CNTN4: variants seen among roughly 807,000 people sequenced by gnomAD.
CNTN4 encodes contactin 4, also known as contactin-4.
In CNTN4, 77 loss-of-function variants were observed where a neutral mutation model predicts 122.5. The observed-to-expected ratio is 0.63, with a 90% confidence interval of 0.52 to 0.76. CNTN4 has a LOEUF of 0.76. Among genes scored for constraint, CNTN4 ranks in the 30% least tolerant of loss-of-function variants. The probability of loss-of-function intolerance (pLI) is 0.00; values close to 1 mark genes in which losing one functional copy is unlikely to be tolerated. For synonymous variants in CNTN4, 512 were observed against 447.0 expected, an observed-to-expected ratio of 1.15 and a Z score of -1.83; for missense variants, 1,256 against 1,259.1, an observed-to-expected ratio of 1.00 and a Z score of 0.04.
chr3:2,615,142 A>G (rs1041245904), intron 4 of CNTN4, among the ~76,000 whole-genome samples: 37 of 152,212 alleles, frequency 2.4e-4, no homozygotes, highest in Non-Finnish European at 1.2e-4. Context: ...TAGCAATAAA[A>G]TTCTCTGCAT....
At chr3:2,766,935 A>G (rs2090887748) in intron 6 of CNTN4, among the ~76,000 whole-genome samples, 2 of 152,188 alleles carry the variant, frequency 1.3e-5, no homozygotes, top group African/African-American at 4.8e-5. Context: ...AAAGGTGGAA[A>G]GTGAGATTAA....
intron 3 of CNTN4, among the ~76,000 whole-genome samples, chr3:2,352,672 C>A (rs542982764): frequency 2.6e-5 from 4 of 152,300 alleles, no homozygotes; most frequent in South Asian, 2.1e-4. Context: ...CGAGCTCCCC[C>A]ACGGTGGGCT....
At chr3:2,666,260 G>C (rs1207475991) in intron 4 of CNTN4, among the ~76,000 whole-genome samples, 1 of 152,124 alleles carries the variant, frequency 6.6e-6, no homozygotes, top group Non-Finnish European at 1.5e-5. Context: ...AGAATAACGG[G>C]TTTCATGTCC....
chr3:2,654,540 G>C (rs141679197), intron 4 of CNTN4, among the ~76,000 whole-genome samples: 114 of 152,228 alleles, frequency 7.5e-4, no homozygotes, highest in African/African-American at 2.6e-3. Flanking sequence ...GCCAACCCAA[G>C]GGTATTAATT....
chr3:3,044,626 G>C (rs1035807483), intron 23 of CNTN4, among the ~76,000 whole-genome samples: 7 of 152,182 alleles, frequency 4.6e-5, no homozygotes, highest in Non-Finnish European at 8.8e-5. Flanking sequence ...GGATGGACGT[G>C]GGCAGTTCCA....
chr3:2,721,467 A>T (rs909662369), intron 4 of CNTN4, among the ~76,000 whole-genome samples: 1 of 152,104 alleles, frequency 6.6e-6, no homozygotes, highest in Admixed American at 6.5e-5. Context: ...ATGAACATGG[A>T]AGTATTAAGC....
intron 4 of CNTN4, among the ~76,000 whole-genome samples, chr3:2,679,227 A>C (rs1359983441): frequency 6.6e-6 from 1 of 152,102 alleles, no homozygotes; most frequent in Non-Finnish European, 1.5e-5. Context: ...TAGTTAATTA[A>C]ATTTAACACT....
intron 4 of CNTN4, among the ~76,000 whole-genome samples, chr3:2,586,751 T>A (rs938869175): frequency 1.1e-4 from 16 of 149,542 alleles, no homozygotes; most frequent in African/African-American, 4.0e-4. Flanking sequence ...GTAGATGTCA[T>A]TTCCCATTGC....
chr3:2,577,047 A>G (rs954908278), intron 4 of CNTN4, among the ~76,000 whole-genome samples: 1 of 152,184 alleles, frequency 6.6e-6, no homozygotes, highest in Admixed American at 6.5e-5. Context: ...TGGGAAGTCA[A>G]TTCTCAGGCA....
intron 2 of CNTN4, among the ~76,000 whole-genome samples, chr3:2,336,177 T>G (rs1403020977): frequency 6.6e-6 from 1 of 152,132 alleles, no homozygotes; most frequent in African/African-American, 2.4e-5. Flanking sequence ...AAAAGTAATA[T>G]TCTCTTACTG....
At chr3:3,004,486 A>G (rs1014282697) in intron 14 of CNTN4, among the ~76,000 whole-genome samples, 11 of 152,244 alleles carry the variant, frequency 7.2e-5, no homozygotes, top group African/African-American at 2.7e-4. Flanking sequence ...AAGGTCTCTG[A>G]CAGATCCATT....
At chr3:2,355,124 T>G (rs1575446258) in intron 3 of CNTN4, among the ~76,000 whole-genome samples, 1 of 152,344 alleles carries the variant, frequency 6.6e-6, no homozygotes, top group East Asian at 1.9e-4. Flanking sequence ...CCTTGAATTA[T>G]GCGCAGTATG....
intron 3 of CNTN4, among the ~76,000 whole-genome samples, chr3:2,560,799 T>C (rs2078918765): frequency 6.6e-6 from 1 of 152,218 alleles, no homozygotes; most frequent in South Asian, 2.1e-4. Context: ...CCCTGTCTTA[T>C]TCATTGCTGT....
chr3:2,414,608 ATAG>A lies in CNTN4; in HGVS notation c.-89+75379_-89+75381del, dbSNP rs538036272. 1.4e-4 allele frequency among the ~76,000 whole-genome samples: 21 copies of A among 152,270 alleles called. No homozygotes were observed. The East Asian group carries it at 4.1e-3, about 29-fold the overall frequency. On this transcript the variant is annotated intron_variant, in intron 3 of 24. Transcript: ENST00000418658. ...TTATCAGAAACAAATGAATATGATC[ATAG>A]TAGATTATAAAGGAAAACATAAACA...
chr3:2,823,536 A>G (rs1476665935), intron 7 of CNTN4, among the ~76,000 whole-genome samples: 3 of 152,216 alleles, frequency 2.0e-5, no homozygotes, highest in African/African-American at 7.2e-5. Context: ...TAAATATAAG[A>G]AAACACCAAA....
intron 4 of CNTN4, among the ~76,000 whole-genome samples, chr3:2,637,813 G>A (rs972216315): frequency 1.3e-5 from 2 of 152,072 alleles, no homozygotes; most frequent in East Asian, 1.9e-4. Context: ...TTGCCTAAAT[G>A]TATTTTCTAC....
intron 2 of CNTN4, among the ~76,000 whole-genome samples, chr3:2,210,171 A>G (rs2038547577): frequency 6.6e-6 from 1 of 152,184 alleles, no homozygotes; most frequent in Non-Finnish European, 1.5e-5. Context: ...ATGCTTGTCC[A>G]TACAATGGAA....
At chr3:2,557,130 T>G (rs1575981011) in intron 3 of CNTN4, among the ~76,000 whole-genome samples, 1 of 152,328 alleles carries the variant, frequency 6.6e-6, no homozygotes, top group East Asian at 1.9e-4. Context: ...CCTCAGATTT[T>G]TTTTGCAGAT....
intron 3 of CNTN4, among the ~76,000 whole-genome samples, chr3:2,384,672 C>A (rs1327816793): frequency 2.6e-5 from 4 of 152,062 alleles, no homozygotes; most frequent in Non-Finnish European, 5.9e-5. Flanking sequence ...AGGACTCTCA[C>A]ATCTCCCATG....
Sources: allele counts gnomAD v4.1 joint callset (sites outside exome capture counted in the v4.1 genomes callset), GRCh38; gene constraint gnomAD v4.1.1; transcripts MANE v1.5; gene names NCBI Gene and HGNC (gene_info 2026-07-23, HGNC 2026-07-21).